Variants in FLNC observed in about 807,000 individuals in gnomAD.
FLNC encodes filamin C, also known as filamin-C.
Under a neutral mutation model 254.3 loss-of-function variants are expected in FLNC, and 91 were observed. The ratio of observed to expected loss-of-function variants is 0.36; its 90% CI spans 0.30 to 0.43. The LOEUF (loss-of-function observed/expected upper bound fraction) is 0.43, where lower values mean the gene tolerates loss of function less well. Among genes scored for constraint, FLNC ranks in the 20% least tolerant of loss-of-function variants. The probability of loss-of-function intolerance (pLI) is 1.00; values close to 1 mark genes in which losing one functional copy is unlikely to be tolerated. For missense variants in FLNC, 2,853 were observed against 3,802.6 expected, an observed-to-expected ratio of 0.75 and a Z score of 6.57; for synonymous variants, 1,430 against 1,577.2, an observed-to-expected ratio of 0.91 and a Z score of 2.21.
rs554038474 is a variant in FLNC, at chr7:128,848,261, C to T, written c.4580+193C>T. On this transcript the variant is annotated intron_variant, in intron 26 of 47. Transcript: ENST00000325888. ...GGCTTTCCTGCCCCAGGAGCTTTTA[C>T]GGCAAACCTAGCGCCTTAGGAAGAG... 3.3e-5 allele frequency among the ~76,000 whole-genome samples: 5 copies of T among 152,256 alleles called. No individual in the cohort carries two copies. The South Asian group carries it at 6.2e-4, about 19-fold the overall frequency.
chr7:128,837,836 G>A lies in FLNC; in HGVS notation c.969+81G>A, dbSNP rs187970178. Reference sequence around the variant, plus strand: ...GTGGGGCCAACAACAGGAATGGCCCGGAGGTGACTGCCAGAGCCACACACT... The same window carrying A: ...GTGGGGCCAACAACAGGAATGGCCCAGAGGTGACTGCCAGAGCCACACACT... On this transcript the variant is annotated intron_variant, in intron 5 of 47. Transcript: ENST00000325888. 5.4e-4 allele frequency: 757 copies of A among 1,396,340 alleles called. 9 individuals are homozygous for A. The East Asian group carries it at 0.014, about 27-fold the overall frequency. 86.5% of individuals were successfully genotyped at this position (1,396,340 alleles called of 1,614,324 possible).
At position 128,848,541 on chromosome 7, in the gene FLNC, T is replaced by G; in HGVS notation, c.4581-20T>G. 3 of 1,613,494 alleles carry G rather than the reference T, an allele frequency of 1.9e-6. No homozygotes were observed. Among genetic ancestry groups the G allele is most frequent in the Non-Finnish European group, 2.5e-6 (3 of 1,179,972 alleles). On this transcript the variant is annotated intron_variant, in intron 26 of 47. Coordinates refer to ENST00000325888, the MANE Select transcript of FLNC (RefSeq NM_001458.5). ...CGTCCATGCCACCCAGCCAACTGTT[T>G]ATCCCTTCTGCTCCTCAAGCCCCTT...
rs2128940107 is a variant in FLNC at position 128,856,526 on chromosome 7, GC to G, written c.7261del (p.Leu2421SerfsTer3). The G allele has an allele frequency of 1.2e-6, 2 of 1,612,266 alleles. No individual in the cohort carries two copies. The highest frequency in any genetic ancestry group is 1.7e-6 in the Non-Finnish European group (2 of 1,180,010). On this transcript the variant is annotated frameshift_variant, in exon 44 of 48. Coordinates refer to ENST00000325888, the MANE Select transcript of FLNC (RefSeq NM_001458.5). LOFTEE classifies it high-confidence loss of function. This position sits in a 1 kb window ranked among gnomAD's most constrained non-coding sequence, Gnocchi z 5.9. ...LTVTSLQETG[L>X]KVNQPASFAV... ...CTCCGTGGCCTTTGCAGGAGACGGG[GC>G]TCAAGGTGAACCAGCCAGCGTCCTT... is the stretch of plus-strand genomic sequence containing the variant.
Position 128,848,828 on chromosome 7 carries a change from G to A in FLNC, c.4773G>A (p.Arg1591=). Residue 1591 remains arginine (R), a synonymous_variant, in exon 28 of 48, where the codon CGG becomes CGA. Transcript: ENST00000325888. ...GTAAGCCCAAGAAGGCCAACATCCG[G>A]GACAATGGGGATGGCACGTACACTG... is the stretch of plus-strand genomic sequence containing the variant. ...PEGKPKKANI[R]DNGDGTYTVS... 1 of 1,614,178 alleles carries A rather than the reference G, an allele frequency of 6.2e-7. No individual in the cohort carries two copies. The highest frequency in any genetic ancestry group is 8.5e-7 in the Non-Finnish European group (1 of 1,180,034).
At position 128,848,525 on chromosome 7, in the gene FLNC, C is replaced by T. The variant is rs764019797; in HGVS notation, c.4581-36C>T. The T allele has an allele frequency of 2.5e-6, 4 of 1,612,322 alleles. No homozygotes were observed. The African/African-American group carries it at 4.0e-5, about 16-fold the overall frequency. The stretch of plus-strand genomic sequence containing the variant: ...TCACCCCCCACCGCCCCGTCCATGC[C>T]ACCCAGCCAACTGTTTATCCCTTCT... On this transcript the variant is annotated intron_variant, in intron 26 of 47. Coordinates refer to ENST00000325888, the MANE Select transcript of FLNC (RefSeq NM_001458.5).
At chr7:128,833,809 T>C (rs1807987523) in intron 1 of FLNC, among the ~76,000 whole-genome samples, 1 of 150,860 alleles carries the variant, frequency 6.6e-6, no homozygotes, top group Non-Finnish European at 1.5e-5. Context: ...AGGCAGGGAG[T>C]GAGTGTGTCA....
rs773895250 is a variant in FLNC at position 128,842,732 on chromosome 7, G to T, written c.2389+34G>T. ...AGCCGGAAGGGGTGGGTCTGGGAGG[G>T]GGCGGGGGTGAGTCGAGTCGGGGGC... On this transcript the variant is annotated intron_variant, in intron 15 of 47. Coordinates refer to ENST00000325888, the MANE Select transcript of FLNC (RefSeq NM_001458.5). This position sits in a 1 kb window ranked among gnomAD's most constrained non-coding sequence, Gnocchi z 5.4. 3 of 1,581,184 alleles carry T rather than the reference G, an allele frequency of 1.9e-6. No individual in the cohort carries two copies. Among genetic ancestry groups the T allele is most frequent in the Non-Finnish European group, 2.6e-6 (3 of 1,163,788 alleles).
Position 128,842,816 on chromosome 7 carries a change from G to C in FLNC, c.2412G>C (p.Lys804Asn), listed in dbSNP as rs1445648095. The C allele has an allele frequency of 6.2e-7, 1 of 1,613,864 alleles. No homozygotes were observed. The stretch of plus-strand genomic sequence containing the variant: ...CAGGCGACGTGAGCATCGGCATCAA[G>C]TGCGCCCCAGGCGTGGTGGGCCCTG... ...AGQGDVSIGI[K>N]CAPGVVGPAE... The change falls in exon 16 of 48, where the codon AAG becomes AAC. Residue 804 changes from lysine to asparagine, a missense_variant. By Grantham distance (94) the Lys-to-Asn change is moderately conservative (BLOSUM62 0). Around this residue, in one of 10 missense-constraint regions of FLNC, gnomAD observed 1,573 missense variants for 1,883.5 expected, o/e 0.84. Coordinates refer to ENST00000325888, the MANE Select transcript of FLNC (RefSeq NM_001458.5). The surrounding 1 kb of genome is among the most constrained non-coding windows in gnomAD (Gnocchi z 5.4).
At position 128,842,756 on chromosome 7, in the gene FLNC, G is replaced by C; in HGVS notation, c.2390-38G>C. 3 of 1,608,808 alleles carry C rather than the reference G, an allele frequency of 1.9e-6. No homozygotes were observed. In the East Asian group the frequency reaches 6.7e-5, roughly 36 times the overall value. ...GGGGCGGGGGTGAGTCGAGTCGGGG[G>C]CTGAGCCCAACTCACAGCAGTGCCC... On this transcript the variant is annotated intron_variant, in intron 15 of 47. Transcript: ENST00000325888. The surrounding 1 kb of genome is among the most constrained non-coding windows in gnomAD (Gnocchi z 5.4).
chr7:128,854,990 G>T, intron 42 of FLNC, 78 bp downstream of exon 42: 1 of 1,510,722 alleles, frequency 6.6e-7, no homozygotes. Flanking sequence ...CCAGGCAGGA[G>T]ATGCTTGGGG....
Position 128,844,223 on chromosome 7 carries a change from G to A in FLNC, c.3149G>A (p.Ser1050Asn). Residue 1050 changes from serine to asparagine, a missense_variant, in exon 20 of 48, where the codon AGC (serine) becomes AAC (asparagine). By Grantham distance (46) the Ser-to-Asn change is conservative. Coordinates refer to ENST00000325888, the MANE Select transcript of FLNC (RefSeq NM_001458.5). ...TACGATGGTCACCCGGTGCCTGGCA[G>A]CCCGTTTGCTGTGGAGGGTGTCCTG... ...ITYDGHPVPGSPFAVEGVLPP... is the reference protein window; with the variant it reads ...ITYDGHPVPGNPFAVEGVLPP... 1.9e-6 allele frequency: 3 copies of A among 1,611,778 alleles called. No individual in the cohort carries two copies. Among genetic ancestry groups the A allele is most frequent in the Non-Finnish European group, 2.5e-6 (3 of 1,178,620 alleles).
At chr7:128,849,019 C>G in intron 28 of FLNC, 37 bp downstream of exon 28, 1 of 1,604,062 alleles carries the variant, frequency 6.2e-7, no homozygotes, top group South Asian at 1.1e-5. Flanking sequence ...CTGCTCACCA[C>G]CCAGCCCCTC....
chr7:128,851,648 A>G lies in FLNC; in HGVS notation c.5842+20A>G, dbSNP rs749524553. On this transcript the variant is annotated intron_variant, in intron 35 of 47. Transcript: ENST00000325888. ...TCACAGGTGAGGCGGGTGTATGGGCATGTACAGCCCATGAGGCACACACAC... is the reference window on the plus strand; with the variant it reads ...TCACAGGTGAGGCGGGTGTATGGGCGTGTACAGCCCATGAGGCACACACAC... 17 of 1,611,086 alleles carry G rather than the reference A, an allele frequency of 1.1e-5. No individual in the cohort carries two copies. Among genetic ancestry groups the G allele is most frequent in the Non-Finnish European group, 1.4e-5 (17 of 1,177,790 alleles).
chr7:128,844,954 G>A lies in FLNC; in HGVS notation c.3489G>A (p.Pro1163=), dbSNP rs369853278. 3.1e-6 allele frequency: 5 copies of A among 1,613,746 alleles called. No homozygotes were observed. Among genetic ancestry groups the A allele is most frequent in the Admixed American group, 1.7e-5 (1 of 60,008 alleles). ...CGAGCAAGGTGCGGGCCAGTGGACCGGGCCTGGAGCGCGGCAAGGTCGGTG... is the reference window on the plus strand; with the variant it reads ...CGAGCAAGGTGCGGGCCAGTGGACCAGGCCTGGAGCGCGGCAAGGTCGGTG... The part of the protein sequence containing the change: ...FDPSKVRASG[P]GLERGKVGEA... The change falls in exon 21 of 48, where the codon CCG becomes CCA. Residue 1163 remains proline, a synonymous_variant. Coordinates refer to ENST00000325888, the MANE Select transcript of FLNC (RefSeq NM_001458.5).
chr7:128,844,943 G>A lies in FLNC; in HGVS notation c.3478G>A (p.Ala1160Thr), dbSNP rs1214369838. ...TGTGTTTGACCCGAGCAAGGTGCGG[G>A]CCAGTGGACCGGGCCTGGAGCGCGG... is the stretch of plus-strand genomic sequence containing the variant. ...RPVFDPSKVR[A>T]SGPGLERGKV... Residue 1160 changes from alanine (A) to threonine (T), a missense_variant, in exon 21 of 48, where the codon GCC (alanine) becomes ACC (threonine). Physicochemically the swap from Ala to Thr is moderately conservative, Grantham distance 58. This residue lies in a region of FLNC where 1,573 missense variants were observed against 1,883.5 expected (regional missense o/e 0.84). Transcript: ENST00000325888. 1 of 1,613,920 alleles carries A rather than the reference G, an allele frequency of 6.2e-7. No homozygotes were observed. Among genetic ancestry groups the A allele is most frequent in the Non-Finnish European group, 8.5e-7 (1 of 1,180,044 alleles).
chr7:128,853,712 C>A lies in FLNC; in HGVS notation c.6362-3C>A. 6.2e-7 allele frequency: 1 copy of A among 1,613,934 alleles called. No homozygotes were observed. The highest frequency in any genetic ancestry group is 8.5e-7 in the Non-Finnish European group (1 of 1,180,038). Reference sequence around the variant, plus strand: ...CCTGACCCACCCTTTGTCCCCACTTCAGGAAGCCCCTTCACTGTGAAGGTG... The same window carrying A: ...CCTGACCCACCCTTTGTCCCCACTTAAGGAAGCCCCTTCACTGTGAAGGTG... On this transcript the variant is annotated splice_polypyrimidine_tract_variant and splice_region_variant and intron_variant, in intron 38 of 47. Transcript: ENST00000325888.
rs754112206 is a variant in FLNC at position 128,854,083 on chromosome 7, C to T, written c.6594C>T (p.Gly2198=). The part of the protein sequence containing the change: ...TERTEISKTR[G]GETKREVRVE... ...GCACGGAGATCAGCAAGACGCGGGG[C>T]GGGGAGACAAAGCGCGAGGTGCGGG... The change falls in exon 40 of 48, where the codon GGC becomes GGT. Residue 2198 remains glycine (G), a synonymous_variant. Coordinates refer to ENST00000325888, the MANE Select transcript of FLNC (RefSeq NM_001458.5). The T allele has an allele frequency of 4.1e-5, 66 of 1,612,936 alleles. No individual in the cohort carries two copies. In the Admixed American group the frequency reaches 4.3e-4, roughly 11 times the overall value.
chr7:128,840,497 C>T, intron 9 of FLNC, 51 bp from the exon 10 acceptor site: 2 of 1,613,306 alleles, frequency 1.2e-6, no homozygotes, highest in Non-Finnish European at 1.7e-6. Flanking sequence ...GGAGCTGGGA[C>T]TTCAAGGATA....
chr7:128,842,837 C>G lies in FLNC; in HGVS notation c.2433C>G (p.Gly811=). Residue 811 remains glycine (G), a synonymous_variant, in exon 16 of 48, where the codon GGC becomes GGG. Transcript: ENST00000325888. The surrounding 1 kb of genome is among the most constrained non-coding windows in gnomAD (Gnocchi z 5.4). ...IGIKCAPGVV[G]PAEADIDFDI... The stretch of plus-strand genomic sequence containing the variant: ...TCAAGTGCGCCCCAGGCGTGGTGGG[C>G]CCTGCAGAGGCTGACATTGACTTCG... 1 of 1,613,926 alleles carries G rather than the reference C, an allele frequency of 6.2e-7. No individual in the cohort carries two copies. Among genetic ancestry groups the G allele is most frequent in the Non-Finnish European group, 8.5e-7 (1 of 1,180,018 alleles).
Sources: gnomAD v4.1 joint callset for allele counts (sites outside exome capture counted in the v4.1 genomes callset) on GRCh38, gnomAD v4.1.1 for gene constraint, gnomAD v4.1.1 regional missense constraint, Gnocchi (gnomAD v3.1) non-coding constraint, MANE v1.5 for transcripts, NCBI Gene and HGNC (gene_info 2026-07-23, HGNC 2026-07-21) for gene names.